The following RNF212B variants were observed in gnomAD, a reference collection of about 807,000 sequenced individuals.
The protein encoded by RNF212B is ring finger protein 212B.
In RNF212B, 52 loss-of-function variants were observed where a neutral mutation model predicts 55.5. That is an observed-to-expected ratio of 0.94 (90% CI 0.75 to 1.18). The LOEUF (loss-of-function observed/expected upper bound fraction) is 1.18. Among genes scored for constraint, RNF212B ranks in the 50% most tolerant of loss-of-function variants. The pLI is 0.00. For synonymous variants in RNF212B, 99 were observed against 121.4 expected (o/e 0.82, Z 1.21); for missense variants, 289 against 350.4 (o/e 0.82, Z 1.40).
At chr14:23,210,716 G>T (rs1880409574) in intron 2 of RNF212B, among the ~76,000 whole-genome samples, 1 of 132,572 alleles carries the variant, frequency 7.5e-6, no homozygotes, top group Non-Finnish European at 1.5e-5. Flanking sequence ...GGTGGAGGTT[G>T]CAGTGAGCCA....
At chr14:23,185,757 T>A (rs978468799) in intron 1 of RNF212B, among the ~76,000 whole-genome samples, 3 of 152,204 alleles carry the variant, frequency 2.0e-5, no homozygotes, top group Non-Finnish European at 4.4e-5. Context: ...TCTTTAGCAC[T>A]TGGAATTTAT....
chr14:23,255,695 T>G (rs537346055), intron 4 of RNF212B, among the ~76,000 whole-genome samples: 1 of 152,296 alleles, frequency 6.6e-6, no homozygotes, highest in East Asian at 1.9e-4. Flanking sequence ...CAAGATATCA[T>G]TTCTAAAAAA....
intron 2 of RNF212B, among the ~76,000 whole-genome samples, chr14:23,225,761 T>C (rs2140411998): frequency 6.6e-6 from 1 of 152,268 alleles, no homozygotes; most frequent in East Asian, 1.9e-4. Flanking sequence ...ACAGGGTGAC[T>C]ATAGTGAATA....
At chr14:23,208,001 G>A (rs1204221791) in intron 2 of RNF212B, among the ~76,000 whole-genome samples, 1 of 152,238 alleles carries the variant, frequency 6.6e-6, no homozygotes, top group Non-Finnish European at 1.5e-5. Flanking sequence ...TTCCAAAGGA[G>A]GCAATCAGAT....
chr14:23,210,182 A>G (rs140038320), intron 2 of RNF212B, among the ~76,000 whole-genome samples: 53 of 152,206 alleles, frequency 3.5e-4, no homozygotes, highest in African/African-American at 1.2e-3. Flanking sequence ...AAATACCCCT[A>G]TGACTAAGTT....
At chr14:23,186,263 CAAGA>C (rs1276459810) in intron 1 of RNF212B, among the ~76,000 whole-genome samples, 2 of 151,814 alleles carry the variant, frequency 1.3e-5, no homozygotes, top group African/African-American at 4.8e-5. Flanking sequence ...ACATTGAACA[CAAGA>C]GAGAAAGAAA....
At chr14:23,237,150 G>A (rs61976539), upstream of RNF212B, among the ~76,000 whole-genome samples, 4 of 147,162 alleles carry the variant, frequency 2.7e-5, no homozygotes, top group African/African-American at 1.0e-4. Context: ...TTTTTTTAAA[G>A]ACGGAGTCTC....
chr14:23,223,556 G>A (rs529748247), intron 2 of RNF212B, among the ~76,000 whole-genome samples: 29 of 152,076 alleles, frequency 1.9e-4, no homozygotes, highest in South Asian at 1.2e-3. Context: ...GGGGTTACAC[G>A]ATGTTAGCCA....
chr14:23,251,942 A>G (rs1185292446), intron 4 of RNF212B, among the ~76,000 whole-genome samples: 2 of 152,168 alleles, frequency 1.3e-5, no homozygotes, highest in Non-Finnish European at 2.9e-5. Context: ...CAGCACCTCC[A>G]AGTGTTCACC....
At chr14:23,228,170 T>C (rs1233304944) in intron 2 of RNF212B, among the ~76,000 whole-genome samples, 5 of 151,488 alleles carry the variant, frequency 3.3e-5, no homozygotes. Context: ...AGGTGGAGAT[T>C]GCGGTGAGCT....
chr14:23,262,656 C>G lies in RNF212B; in HGVS notation c.435-9C>G. 2 of 1,533,330 alleles carry G rather than the reference C, an allele frequency of 1.3e-6. No homozygotes were observed. Among genetic ancestry groups the G allele is most frequent in the Middle Eastern group, 3.4e-4 (2 of 5,888 alleles). The allele number at this position is 1,533,330 out of a possible 1,614,324, so 95.0% of individuals were successfully genotyped here. A position where few individuals can be genotyped will look rare whatever the true frequency, so the allele number is the denominator to read the frequency against. ...AGATTAGAGCCGCCTCTTTTTTTTTCCCTTGCAGGTCAATCACACCTCGAC... is the reference window on the plus strand; with the variant it reads ...AGATTAGAGCCGCCTCTTTTTTTTTGCCTTGCAGGTCAATCACACCTCGAC... On this transcript the variant is annotated splice_polypyrimidine_tract_variant and intron_variant, in intron 7 of 14. Coordinates refer to ENST00000430154, the MANE Select transcript of RNF212B (RefSeq NM_001282322.3).
chr14:23,272,962 G>A lies in RNF212B; in HGVS notation c.*71G>A. On this transcript the variant is annotated 3_prime_UTR_variant, in exon 15 of 15. Transcript: ENST00000430154. ...GTAGCTTCCAGTACGCATTAGGGGT[G>A]ATGGCCCTGGAAAATGTATCCCTGC... 1 of 823,116 alleles carries A rather than the reference G, an allele frequency of 1.2e-6. No individual in the cohort carries two copies. Among genetic ancestry groups the A allele is most frequent in the Non-Finnish European group, 1.9e-6 (1 of 533,704 alleles). The allele number at this position is 823,116 out of a possible 1,614,324, so 51.0% of individuals were successfully genotyped here. A position where few individuals can be genotyped will look rare whatever the true frequency, so the allele number is the denominator to read the frequency against.
chr14:23,256,396 G>A lies in RNF212B; in HGVS notation c.229-2153G>A, dbSNP rs145798553. On this transcript the variant is annotated intron_variant, in intron 4 of 14. Transcript: ENST00000430154. ...GTTTAATTTTTTTTTTTTTGAGATG[G>A]AGTCTCACTCTGTTGCTCAGGCTGG... Among the ~76,000 whole-genome samples the A allele has an allele frequency of 3.3e-3, 490 of 149,988 alleles. 5 individuals carry two copies. Among genetic ancestry groups the A allele is most frequent in the African/African-American group, 0.011 (458 of 40,634 alleles).
At chr14:23,187,623 A>G (rs890749376) in intron 1 of RNF212B, among the ~76,000 whole-genome samples, 4 of 152,094 alleles carry the variant, frequency 2.6e-5, no homozygotes, top group African/African-American at 9.7e-5. Context: ...AATAGACAGC[A>G]CTTTATTCTT....
rs1371836982 is a variant in RNF212B, at chr14:23,260,738, C to G, written c.434+51C>G. On this transcript the variant is annotated intron_variant, in intron 7 of 14. Coordinates refer to ENST00000430154, the MANE Select transcript of RNF212B (RefSeq NM_001282322.3). ...GCCCAGCCCCCTGAAAATTCCTGTTCTTTCTTGACTCCTGGCTGTGTGAAC... is the reference window on the plus strand; with the variant it reads ...GCCCAGCCCCCTGAAAATTCCTGTTGTTTCTTGACTCCTGGCTGTGTGAAC... The G allele has an allele frequency of 1.1e-5, 16 of 1,464,590 alleles. No individual in the cohort carries two copies. The African/African-American group carries it at 1.1e-4, about 10-fold the overall frequency. 90.7% of individuals were successfully genotyped at this position (1,464,590 alleles called of 1,614,324 possible).
chr14:23,269,346 T>A (rs1885913069), intron 12 of RNF212B, among the ~76,000 whole-genome samples: 1 of 152,116 alleles, frequency 6.6e-6, no homozygotes, highest in South Asian at 2.1e-4. Flanking sequence ...AGTCCTGGGA[T>A]TACTTCTCCA....
chr14:23,240,061 TGTCC>T lies in RNF212B; in HGVS notation c.-1-283_-1-280del, dbSNP rs1883452209. On this transcript the variant is annotated intron_variant, in intron 1 of 14. Coordinates refer to ENST00000430154, the MANE Select transcript of RNF212B (RefSeq NM_001282322.3). ...AAAAAAAAAAAATCTCACCACTGTCTGTCCATTACTTTTCTAAATGTGTGTTTAT... is the reference window on the plus strand; with the variant it reads ...AAAAAAAAAAAATCTCACCACTGTCTATTACTTTTCTAAATGTGTGTTTAT... Among the ~76,000 whole-genome samples, 5 of 151,850 alleles carry T rather than the reference TGTCC, an allele frequency of 3.3e-5. No individual in the cohort carries two copies. In the South Asian group the frequency reaches 1.0e-3, roughly 32 times the overall value.
chr14:23,199,990 C>A (rs1482783097), intron 2 of RNF212B, among the ~76,000 whole-genome samples: 2 of 151,500 alleles, frequency 1.3e-5, no homozygotes, highest in Admixed American at 1.3e-4. Context: ...TAGAATTCAG[C>A]CCAAACTGTA....
chr14:23,220,345 A>G (rs1881454007), intron 2 of RNF212B, among the ~76,000 whole-genome samples: 1 of 152,124 alleles, frequency 6.6e-6, no homozygotes, highest in South Asian at 2.1e-4. Flanking sequence ...CAGCCTGGCT[A>G]ACATGGCAAA....
Sources: allele counts gnomAD v4.1 joint callset (sites outside exome capture counted in the v4.1 genomes callset), GRCh38; gene constraint gnomAD v4.1.1; transcripts MANE v1.5; gene names NCBI Gene and HGNC (gene_info 2026-07-23, HGNC 2026-07-21).